ACSM1: variants seen among roughly 807,000 people sequenced by gnomAD.
ACSM1 encodes acyl-coenzyme A synthetase ACSM1, mitochondrial.
A neutral mutation model predicts 75.8 loss-of-function variants in ACSM1; 79 were observed. The ratio of observed to expected loss-of-function variants is 1.04; its 90% CI spans 0.87 to 1.26. The LOEUF (loss-of-function observed/expected upper bound fraction) is 1.26. Ranked by LOEUF, ACSM1 falls within the 50% of genes most tolerant of loss-of-function variation. The pLI is 0.00. For synonymous variants in ACSM1, 279 were observed against 265.8 expected, an observed-to-expected ratio of 1.05 and a Z score of -0.48; for missense variants, 676 against 720.1, an observed-to-expected ratio of 0.94 and a Z score of 0.70.
At position 20,631,014 on chromosome 16, in the gene ACSM1, G is replaced by A. The variant is rs1466518486; in HGVS notation, c.1300-3698C>T. On this transcript the variant is annotated intron_variant, in intron 10 of 13. Coordinates refer to ENST00000520010, the MANE Select transcript of ACSM1 (RefSeq NM_001318890.3). ...CACAGCATATTAAAACTTATAGATT[G>A]CAGCAAACACAGTGCTAAAAAGGTA... 2.6e-5 allele frequency among the ~76,000 whole-genome samples: 4 copies of A among 152,206 alleles called. No individual in the cohort carries two copies. In the East Asian group the frequency reaches 7.7e-4, roughly 29 times the overall value.
chr16:20,667,147 G>C (rs2019613745), intron 6 of ACSM1, among the ~76,000 whole-genome samples: 1 of 152,088 alleles, frequency 6.6e-6, no homozygotes, highest in South Asian at 2.1e-4. Context: ...ATTATCAAGA[G>C]AGTAAACAGC....
At position 20,630,251 on chromosome 16, in the gene ACSM1, A is replaced by C. The variant is rs560177706; in HGVS notation, c.1300-2935T>G. On this transcript the variant is annotated intron_variant, in intron 10 of 13. Coordinates refer to ENST00000520010, the MANE Select transcript of ACSM1 (RefSeq NM_001318890.3). ...CAGGCGCATACCACCGTGCCCGGCT[A>C]ATCTTTTTTATTTTTAGTAGAGATG... Among the ~76,000 whole-genome samples, 28 of 151,954 alleles carry C rather than the reference A, an allele frequency of 1.8e-4. No homozygotes were observed. The East Asian group carries it at 5.5e-3, about 30-fold the overall frequency.
intron 2 of ACSM1, 55 bp from the exon 3 acceptor site, chr16:20,685,458 T>C: frequency 6.6e-7 from 1 of 1,507,166 alleles, no homozygotes; most frequent in Non-Finnish European, 9.2e-7. Flanking sequence ...AAAGGGCACT[T>C]AGTAAACTAA....
chr16:20,682,223 T>G, intron 4 of ACSM1, 33 bp downstream of exon 4: 1 of 1,601,964 alleles, frequency 6.2e-7, no homozygotes, highest in Non-Finnish European at 8.5e-7. Flanking sequence ...ACAACTGTAC[T>G]CAGAGATTAT....
intron 7 of ACSM1, among the ~76,000 whole-genome samples, chr16:20,649,427 CA>C (rs1244169141): frequency 6.6e-6 from 1 of 152,220 alleles, no homozygotes; most frequent in Non-Finnish European, 1.5e-5. Context: ...GAAAAGTCCA[CA>C]TTCTATAGAG....
rs2019342168 is a variant in ACSM1, at chr16:20,662,306, T to A, written c.913-433A>T. On this transcript the variant is annotated intron_variant, in intron 6 of 13. Transcript: ENST00000520010. ...TGTCTACAGGCAGGGAGAGTGGGAGTCTCTTGGAGATAGATGAAATAACAA... is the reference window on the plus strand; with the variant it reads ...TGTCTACAGGCAGGGAGAGTGGGAGACTCTTGGAGATAGATGAAATAACAA... 2.6e-5 allele frequency among the ~76,000 whole-genome samples: 4 copies of A among 151,516 alleles called. No individual in the cohort carries two copies. The South Asian group carries it at 8.4e-4, about 32-fold the overall frequency.
At position 20,673,872 on chromosome 16, in the gene ACSM1, C is replaced by T. The variant is rs114573280; in HGVS notation, c.612-2201G>A. Among the ~76,000 whole-genome samples the T allele has an allele frequency of 5.6e-3, 860 of 152,292 alleles. 6 individuals carry two copies. Among genetic ancestry groups the T allele is most frequent in the African/African-American group, 0.019 (799 of 41,562 alleles). Reference sequence around the variant, plus strand: ...CCTGACTTTACAAATCTCCTTTGCACAGTCCCAGGGGTGAGTATATTTTAA... The same window carrying T: ...CCTGACTTTACAAATCTCCTTTGCATAGTCCCAGGGGTGAGTATATTTTAA... On this transcript the variant is annotated intron_variant, in intron 4 of 13. Transcript: ENST00000520010.
At chr16:20,643,990 A>G (rs2018218711) in intron 7 of ACSM1, among the ~76,000 whole-genome samples, 1 of 152,014 alleles carries the variant, frequency 6.6e-6, no homozygotes, top group Non-Finnish European at 1.5e-5. Flanking sequence ...CAGAGTGCTG[A>G]TTGGTGTTTT....
intron 4 of ACSM1, 90 bp from the exon 5 acceptor site, chr16:20,671,761 G>C: frequency 3.6e-6 from 5 of 1,382,812 alleles, no homozygotes; most frequent in Non-Finnish European, 4.7e-6. Context: ...GGCACGGACA[G>C]GAAACTGGGA....
rs1334391040 is a variant in ACSM1, at chr16:20,688,979, AAT to A, written c.192+2016_192+2017del. Among the ~76,000 whole-genome samples, 49 of 148,458 alleles carry A rather than the reference AAT, an allele frequency of 3.3e-4. No individual in the cohort carries two copies. In the South Asian group the frequency reaches 9.8e-3, roughly 30 times the overall value. ...TATGTTAACTTATTAACATATATTT[AAT>A]ATGTTAATATATTATATTATATATT... is the stretch of plus-strand genomic sequence containing the variant. On this transcript the variant is annotated intron_variant, in intron 2 of 13. Coordinates refer to ENST00000520010, the MANE Select transcript of ACSM1 (RefSeq NM_001318890.3).
intron 7 of ACSM1, among the ~76,000 whole-genome samples, chr16:20,651,986 T>C (rs985035512): frequency 2.0e-5 from 3 of 152,190 alleles, no homozygotes. Context: ...AGAGTGATCT[T>C]TGATTGTATA....
intron 11 of ACSM1, among the ~76,000 whole-genome samples, chr16:20,626,167 A>G (rs77958829): frequency 0.028 from 4,226 of 152,026 alleles, 85 homozygotes; most frequent in African/African-American, 0.054. Flanking sequence ...AGGGGGATCA[A>G]TGGAGGTCAG....
chr16:20,643,435 C>T (rs1421860751), intron 7 of ACSM1, among the ~76,000 whole-genome samples: 4 of 152,106 alleles, frequency 2.6e-5, no homozygotes, highest in African/African-American at 4.8e-5. Flanking sequence ...AGAATGAAGC[C>T]GTGGACCCTT....
intron 7 of ACSM1, among the ~76,000 whole-genome samples, chr16:20,655,588 T>C (rs1205323128): frequency 2.6e-5 from 4 of 152,172 alleles, no homozygotes; most frequent in East Asian, 1.9e-4. Context: ...TCTTTAATAT[T>C]TTTAAAAATG....
chr16:20,630,656 C>A (rs1375752254), intron 10 of ACSM1, among the ~76,000 whole-genome samples: 1 of 152,064 alleles, frequency 6.6e-6, no homozygotes, highest in Admixed American at 6.6e-5. Flanking sequence ...ACTCGAACAC[C>A]ACCACAAATT....
chr16:20,649,362 C>T (rs2018528073), intron 7 of ACSM1, among the ~76,000 whole-genome samples: 1 of 152,060 alleles, frequency 6.6e-6, no homozygotes. Context: ...AATATTTTAC[C>T]CCTGAACATA....
At chr16:20,626,319 C>G (rs1300385354) in intron 11 of ACSM1, among the ~76,000 whole-genome samples, 2 of 151,546 alleles carry the variant, frequency 1.3e-5, no homozygotes, top group African/African-American at 4.9e-5. Context: ...GCCTGGGTGA[C>G]AGTGGGAGAC....
At chr16:20,627,901 T>TATAC (rs2017079890) in intron 10 of ACSM1, among the ~76,000 whole-genome samples, 1 of 113,742 alleles carries the variant, frequency 8.8e-6, no homozygotes, top group Admixed American at 8.1e-5. Context: ...TATATATATA[T>TATAC]ATATATATAT....
intron 1 of ACSM1, among the ~76,000 whole-genome samples, chr16:20,693,950 G>T (rs1596479304): frequency 6.6e-6 from 1 of 152,208 alleles, no homozygotes; most frequent in Non-Finnish European, 1.5e-5. Context: ...CCTGTGCTAA[G>T]ATTCTTAAAT....
Sources: gnomAD v4.1 joint callset for allele counts (sites outside exome capture counted in the v4.1 genomes callset) on GRCh38, gnomAD v4.1.1 for gene constraint, MANE v1.5 for transcripts, NCBI Gene and HGNC (gene_info 2026-07-23, HGNC 2026-07-21) for gene names.